The following IL15RA variants were observed in gnomAD, a reference collection of about 807,000 sequenced individuals.
IL15RA encodes interleukin-15 receptor subunit alpha.
IL15RA carries 26 observed loss-of-function variants against 24.2 expected under a neutral mutation model. The ratio of observed to expected loss-of-function variants is 1.07; its 90% CI spans 0.79 to 1.49. IL15RA has a LOEUF of 1.49. Ranked by LOEUF, IL15RA falls within the 40% of genes most tolerant of loss-of-function variation. IL15RA has a pLI of 0.00. For synonymous variants in IL15RA, 166 were observed against 157.6 expected (o/e 1.05, Z -0.40); for missense variants, 354 against 356.4 (o/e 0.99, Z 0.05).
downstream of IL15RA, among the ~76,000 whole-genome samples, chr10:5,951,269 G>A (rs3750664): frequency 0.023 from 3,421 of 151,870 alleles, 68 homozygotes; most frequent in East Asian, 0.082. Flanking sequence ...GTTGCAGTGA[G>A]CCAAGATTGC....
In IL15RA at chr10:5,955,388, C is replaced by T. The variant is rs1274049517; in HGVS notation, c.692+991G>A. Among the ~76,000 whole-genome samples, 1 of 152,026 alleles carries T rather than the reference C, an allele frequency of 6.6e-6. No homozygotes were observed. Among genetic ancestry groups the T allele is most frequent in the African/African-American group, 2.4e-5 (1 of 41,436 alleles). On this transcript the variant is annotated intron_variant, in intron 6 of 6. Coordinates refer to ENST00000379977, the MANE Select transcript of IL15RA (RefSeq NM_002189.4). This position sits in a 1 kb window ranked among gnomAD's most constrained non-coding sequence, Gnocchi z 5.3. ...TGCTGGGATTACAGGCATGAGCTAC[C>T]GTGCCCAGCCAGGGTCACATAATTT...
Position 5,977,419 on chromosome 10 carries a change from G to A in IL15RA, c.74C>T (p.Pro25Leu), listed in dbSNP as rs1173977887. The change falls in exon 1 of 7, where the codon CCG (proline) becomes CTG (leucine). Residue 25 changes from proline (P) to leucine (L), a missense_variant. Coordinates refer to ENST00000379977, the MANE Select transcript of IL15RA (RefSeq NM_002189.4). ...CAGCTCCCTACCCCGCGTCGCCGGC[G>A]GCCGGAGCAGCAGCAGCAGTAGCAG... The part of the protein sequence containing the change: ...PALLLLLLLR[P>L]PATRGITCPP... 9.7e-6 allele frequency: 13 copies of A among 1,341,478 alleles called. No individual in the cohort carries two copies. The highest frequency in any genetic ancestry group is 1.1e-5 in the Non-Finnish European group (12 of 1,048,112). 83.1% of individuals were successfully genotyped at this position (1,341,478 alleles called of 1,614,324 possible). A position where few individuals can be genotyped will look rare whatever the true frequency, so the allele number is the denominator to read the frequency against.
rs200197028 is a variant in IL15RA at position 5,959,158 on chromosome 10, C to CTTTTT, written c.616+591_616+595dup. Among the ~76,000 whole-genome samples, 270 of 149,042 alleles carry CTTTTT rather than the reference C, an allele frequency of 1.8e-3. 5 individuals carry two copies. The East Asian group carries it at 0.049, about 27-fold the overall frequency. On this transcript the variant is annotated intron_variant, in intron 5 of 6. Coordinates refer to ENST00000379977, the MANE Select transcript of IL15RA (RefSeq NM_002189.4). The surrounding 1 kb of genome is among the most constrained non-coding windows in gnomAD (Gnocchi z 4.1). ...TTATTTTGTTTTGTTAACTTTTTTT[C>CTTTTT]TTTTTCTTTTTCTTTTTTTTTTTTT...
chr10:5,958,431 G>C lies in IL15RA; in HGVS notation c.616+1323C>G, dbSNP rs1037173691. ...GACAGGGTCCTGTCCTGTTGCCCAG[G>C]CCAGAGTGCAGTGGTGTGATCACAG... is the stretch of plus-strand genomic sequence containing the variant. On this transcript the variant is annotated intron_variant, in intron 5 of 6. Coordinates refer to ENST00000379977, the MANE Select transcript of IL15RA (RefSeq NM_002189.4). This position sits in a 1 kb window ranked among gnomAD's most constrained non-coding sequence, Gnocchi z 4.3. 1.6e-5 allele frequency: 6 copies of C among 370,720 alleles called. No homozygotes were observed. Among genetic ancestry groups the C allele is most frequent in the Admixed American group, 9.0e-5 (3 of 33,352 alleles). 23.0% of individuals were successfully genotyped at this position (370,720 alleles called of 1,614,324 possible).
At position 5,973,758 on chromosome 10, in the gene IL15RA, T is replaced by C. The variant is rs1837980568; in HGVS notation, c.88+3647A>G. On this transcript the variant is annotated intron_variant, in intron 1 of 6. Transcript: ENST00000379977. This position sits in a 1 kb window ranked among gnomAD's most constrained non-coding sequence, Gnocchi z 4.5. ...GAAGTAAACCTTTGTAACCTTAGGC[T>C]AGGCAAATATTTCTTAGATATGACA... Among the ~76,000 whole-genome samples the C allele has an allele frequency of 6.6e-6, 1 of 152,228 alleles. No homozygotes were observed. Among genetic ancestry groups the C allele is most frequent in the Admixed American group, 6.5e-5 (1 of 15,278 alleles).
intron 6 of IL15RA, among the ~76,000 whole-genome samples, chr10:5,954,894 A>G (rs7906699): frequency 0.024 from 3,692 of 152,144 alleles, 78 homozygotes; most frequent in South Asian, 0.072. Context: ...CATTTTTTGA[A>G]TTCTTTGGAC....
At position 5,962,323 on chromosome 10, in the gene IL15RA, G is replaced by A. The variant is rs1262663201; in HGVS notation, c.382+1420C>T. 1.3e-5 allele frequency among the ~76,000 whole-genome samples: 2 copies of A among 152,166 alleles called. No individual in the cohort carries two copies. Among genetic ancestry groups the A allele is most frequent in the Non-Finnish European group, 2.9e-5 (2 of 68,034 alleles). On this transcript the variant is annotated intron_variant, in intron 3 of 6. Coordinates refer to ENST00000379977, the MANE Select transcript of IL15RA (RefSeq NM_002189.4). This position sits in a 1 kb window ranked among gnomAD's most constrained non-coding sequence, Gnocchi z 5.2. ...GAACCACCTGTGGGCTGGGTGCAGTGGCTCACACCTGTAATCCCAGCACTT... is the reference window on the plus strand; with the variant it reads ...GAACCACCTGTGGGCTGGGTGCAGTAGCTCACACCTGTAATCCCAGCACTT...
chr10:5,955,101 AT>A lies in IL15RA; in HGVS notation c.692+1277del, dbSNP rs59892494. On this transcript the variant is annotated intron_variant, in intron 6 of 6. Coordinates refer to ENST00000379977, the MANE Select transcript of IL15RA (RefSeq NM_002189.4). The surrounding 1 kb of genome is among the most constrained non-coding windows in gnomAD (Gnocchi z 5.3). ...AAAATTAGGCTCAAAGGGTCACATAATTTTTTTTTTTTTTTGAGATGGAGTT... is the reference window on the plus strand; with the variant it reads ...AAAATTAGGCTCAAAGGGTCACATAATTTTTTTTTTTTTTGAGATGGAGTT... Among the ~76,000 whole-genome samples, 11,390 of 143,950 alleles carry A rather than the reference AT, an allele frequency of 0.079. 595 individuals carry two copies. Among genetic ancestry groups the A allele is most frequent in the African/African-American group, 0.17 (6,544 of 39,382 alleles). 94.4% of individuals were successfully genotyped at this position (143,950 alleles called of 152,430 possible). A position where few individuals can be genotyped will look rare whatever the true frequency, so the allele number is the denominator to read the frequency against.
At chr10:5,977,939 C>T (rs1192600667), upstream of IL15RA, 8 of 232,410 alleles carry the variant, frequency 3.4e-5, no homozygotes, top group Non-Finnish European at 6.7e-5. Context: ...TGACCTCGCC[C>T]GGCGCTGGTC....
chr10:5,968,078 CA>C lies in IL15RA; in HGVS notation c.89-1740del, dbSNP rs1448960520. 2.0e-5 allele frequency among the ~76,000 whole-genome samples: 3 copies of C among 151,960 alleles called. No homozygotes were observed. The highest frequency in any genetic ancestry group is 2.9e-5 in the Non-Finnish European group (2 of 67,972). ...TGTCTCAAACAAACAGAAAACCCCC[CA>C]AAAACCAACAAACCAACCAAACAAA... On this transcript the variant is annotated intron_variant, in intron 1 of 6. Transcript: ENST00000379977. The surrounding 1 kb of genome is among the most constrained non-coding windows in gnomAD (Gnocchi z 5.4).
Position 5,973,842 on chromosome 10 carries a change from ACTT to A in IL15RA, c.88+3560_88+3562del, listed in dbSNP as rs1837991310. Among the ~76,000 whole-genome samples the A allele has an allele frequency of 6.6e-6, 1 of 152,150 alleles. No homozygotes were observed. The highest frequency in any genetic ancestry group is 2.4e-5 in the African/African-American group (1 of 41,434). On this transcript the variant is annotated intron_variant, in intron 1 of 6. Transcript: ENST00000379977. This position sits in a 1 kb window ranked among gnomAD's most constrained non-coding sequence, Gnocchi z 4.5. ...AAATTAGACTTCATAAAAATTAAAA[ACTT>A]CTGCTTTTCAAAAGACACTGCTAAG...
chr10:5,951,162 AAAAAAAAAAAAT>A (rs1229994448), downstream of IL15RA, among the ~76,000 whole-genome samples: 4 of 148,518 alleles, frequency 2.7e-5, no homozygotes, highest in African/African-American at 1.0e-4. Context: ...AAAAAAAAAA[AAAAAAAAAAAAT>A]ATTAGCCAGG....
At chr10:5,976,819 T>G (rs2132766304) in intron 1 of IL15RA, 1 of 150,448 alleles carries the variant, frequency 6.6e-6, no homozygotes, top group Admixed American at 6.6e-5. Flanking sequence ...CCCGACCGCC[T>G]CTGCTGGTTT....
At position 5,971,658 on chromosome 10, in the gene IL15RA, T is replaced by C. The variant is rs931603822; in HGVS notation, c.89-5319A>G. Among the ~76,000 whole-genome samples the C allele has an allele frequency of 6.6e-5, 10 of 152,240 alleles. No individual in the cohort carries two copies. Among genetic ancestry groups the C allele is most frequent in the Non-Finnish European group, 1.3e-4 (9 of 68,044 alleles). On this transcript the variant is annotated intron_variant, in intron 1 of 6. Transcript: ENST00000379977. The surrounding 1 kb of genome is among the most constrained non-coding windows in gnomAD (Gnocchi z 5.5). Reference sequence around the variant, plus strand: ...GTTCCTGCCCTCAGGATGCTCACTGTGGAGCTGGTGTACGGAAAAGGCAAA... The same window carrying C: ...GTTCCTGCCCTCAGGATGCTCACTGCGGAGCTGGTGTACGGAAAAGGCAAA...
At chr10:5,972,517 G>GA (rs1304580155) in intron 1 of IL15RA, among the ~76,000 whole-genome samples, 2 of 152,126 alleles carry the variant, frequency 1.3e-5, no homozygotes, top group African/African-American at 2.4e-5. Flanking sequence ...AGATGAATTA[G>GA]AAAAAACTCC....
chr10:5,969,658 C>A (rs1837269756), intron 1 of IL15RA, among the ~76,000 whole-genome samples: 1 of 152,230 alleles, frequency 6.6e-6, no homozygotes, highest in South Asian at 2.1e-4. Context: ...GCCACCCCGC[C>A]TGGCCTACTG....
Position 5,968,546 on chromosome 10 carries a change from C to T in IL15RA, c.89-2207G>A. ...TGATGGCGTGAGAGATGGAGTCGAT[C>T]TCACAAGTTGTTGAGGTGGATTTGG... is the stretch of plus-strand genomic sequence containing the variant. On this transcript the variant is annotated intron_variant, in intron 1 of 6. Coordinates refer to ENST00000379977, the MANE Select transcript of IL15RA (RefSeq NM_002189.4). This position sits in a 1 kb window ranked among gnomAD's most constrained non-coding sequence, Gnocchi z 5.4. 1 of 550,392 alleles carries T rather than the reference C, an allele frequency of 1.8e-6. No individual in the cohort carries two copies. The highest frequency in any genetic ancestry group is 3.3e-6 in the Non-Finnish European group (1 of 306,648). 34.1% of individuals were successfully genotyped at this position (550,392 alleles called of 1,614,324 possible).
At chr10:5,972,458 C>A (rs1837769776) in intron 1 of IL15RA, among the ~76,000 whole-genome samples, 1 of 152,120 alleles carries the variant, frequency 6.6e-6, no homozygotes, top group South Asian at 2.1e-4. Flanking sequence ...GTTGGACAAG[C>A]TTTCGTAAAG....
rs188398826 is a variant in IL15RA, at chr10:5,955,298, C to T, written c.692+1081G>A. 8.4e-3 allele frequency among the ~76,000 whole-genome samples: 1,282 copies of T among 152,120 alleles called. 8 individuals carry two copies. The highest frequency in any genetic ancestry group is 0.012 in the Non-Finnish European group (828 of 67,994). Reference sequence around the variant, plus strand: ...ATTTTTAGTAGAGACAGGGTTTCTCCATGTTGGTCAGGCTGGTCTCGAACT... The same window carrying T: ...ATTTTTAGTAGAGACAGGGTTTCTCTATGTTGGTCAGGCTGGTCTCGAACT... On this transcript the variant is annotated intron_variant, in intron 6 of 6. Transcript: ENST00000379977. This position sits in a 1 kb window ranked among gnomAD's most constrained non-coding sequence, Gnocchi z 5.3.
Sources: gnomAD v4.1 joint callset for allele counts (sites outside exome capture counted in the v4.1 genomes callset) on GRCh38, gnomAD v4.1.1 for gene constraint, Gnocchi (gnomAD v3.1) non-coding constraint, MANE v1.5 for transcripts, NCBI Gene and HGNC (gene_info 2026-07-23, HGNC 2026-07-21) for gene names.